The following RAD51B variants were observed in gnomAD, a reference collection of about 807,000 sequenced individuals.
RAD51B encodes the protein RAD51 paralog B, also known as DNA repair protein RAD51 homolog 2.
RAD51B carries 38 observed loss-of-function variants against 42.2 expected under a neutral mutation model. That is an observed-to-expected ratio of 0.90 (90% CI 0.70 to 1.18). The LOEUF is 1.18. RAD51B is among the 50% of genes most tolerant of loss of function. The pLI, the probability that RAD51B is intolerant of heterozygous loss-of-function variation, is 0.00. For missense variants in RAD51B, 373 were observed against 400.7 expected (o/e 0.93, Z 0.59); for synonymous variants, 154 against 145.2 (o/e 1.06, Z -0.43).
intron 10 of RAD51B, among the ~76,000 whole-genome samples, chr14:68,594,178 C>A (rs1047760669): frequency 1.3e-5 from 2 of 150,400 alleles, no homozygotes; most frequent in African/African-American, 4.9e-5. Context: ...TTTTCATATG[C>A]ATTTGAGACC....
Position 68,428,748 on chromosome 14 carries a change from TA to T in RAD51B, c.957+17222del, listed in dbSNP as rs2084921437. 1.4e-4 allele frequency among the ~76,000 whole-genome samples: 9 copies of T among 62,528 alleles called. No homozygotes were observed. In the South Asian group the frequency reaches 4.3e-3, roughly 30 times the overall value. The allele number at this position is 62,528 out of a possible 152,430, so 41.0% of individuals were successfully genotyped here. The stretch of plus-strand genomic sequence containing the variant: ...ATATATATATATATATATATATATA[TA>T]TATATATATATATATAATTATTATA... On this transcript the variant is annotated intron_variant, in intron 9 of 10. Transcript: ENST00000471583.
chr14:68,188,872 A>C (rs1215913346), intron 7 of RAD51B, among the ~76,000 whole-genome samples: 1 of 152,048 alleles, frequency 6.6e-6, no homozygotes, highest in African/African-American at 2.4e-5. Context: ...GCTGTTCCTC[A>C]TCCTTGTGTT....
chr14:68,511,616 C>A (rs1385489034), intron 10 of RAD51B, among the ~76,000 whole-genome samples: 2 of 152,326 alleles, frequency 1.3e-5, no homozygotes, highest in East Asian at 3.9e-4. Context: ...CAAGGCCAGA[C>A]CAGCAGACCT....
At chr14:68,041,436 T>C (rs1375395944) in intron 7 of RAD51B, among the ~76,000 whole-genome samples, 2 of 152,238 alleles carry the variant, frequency 1.3e-5, no homozygotes, top group African/African-American at 4.8e-5. Context: ...ATATTGATGC[T>C]AAGGTAGAAG....
intron 7 of RAD51B, among the ~76,000 whole-genome samples, chr14:68,268,397 C>T (rs1317537487): frequency 6.6e-6 from 1 of 152,220 alleles, no homozygotes; most frequent in Admixed American, 6.5e-5. Context: ...ATCTTCCCCA[C>T]AGGGAAGTGA....
rs889473656 is a variant in RAD51B at position 68,293,352 on chromosome 14, G to A, written c.853+1372G>A. ...TTGTTAGCTTGAAATCAGCCATGGT[G>A]AAAGTATTTATACCATGGAAATCAG... On this transcript the variant is annotated intron_variant, in intron 8 of 10. Transcript: ENST00000471583. Among the ~76,000 whole-genome samples, 9 of 152,156 alleles carry A rather than the reference G, an allele frequency of 5.9e-5. No homozygotes were observed. The East Asian group carries it at 1.5e-3, about 26-fold the overall frequency.
chr14:68,563,611 T>C (rs1330563285), intron 10 of RAD51B: 5 of 985,340 alleles, frequency 5.1e-6, no homozygotes, highest in Non-Finnish European at 6.0e-6. Context: ...GACAGCTGCC[T>C]GCAAGGGGTG....
At chr14:67,925,766 A>G (rs1014470110) in intron 7 of RAD51B, among the ~76,000 whole-genome samples, 1 of 152,182 alleles carries the variant, frequency 6.6e-6, no homozygotes, top group African/African-American at 2.4e-5. Context: ...ATCTTCTGAA[A>G]TCTAGGCGGA....
intron 4 of RAD51B, among the ~76,000 whole-genome samples, chr14:67,838,489 C>G (rs1208829446): frequency 6.6e-6 from 1 of 152,028 alleles, no homozygotes; most frequent in Admixed American, 6.5e-5. Context: ...GTCACCTAGG[C>G]TGGAGTGCAG....
At chr14:68,496,112 C>T (rs557024605) in intron 10 of RAD51B, among the ~76,000 whole-genome samples, 3 of 152,318 alleles carry the variant, frequency 2.0e-5, no homozygotes, top group South Asian at 2.1e-4. Context: ...CATGCACAAA[C>T]GGTGATGTGT....
At chr14:67,901,027 C>T (rs111755070) in intron 7 of RAD51B, among the ~76,000 whole-genome samples, 37 of 152,146 alleles carry the variant, frequency 2.4e-4, no homozygotes, top group African/African-American at 8.2e-4. Context: ...ATTTATTAAG[C>T]GAAAGGAAAG....
At chr14:67,951,797 A>T (rs1485333397) in intron 7 of RAD51B, among the ~76,000 whole-genome samples, 3 of 152,172 alleles carry the variant, frequency 2.0e-5, no homozygotes, top group African/African-American at 7.2e-5. Context: ...ACCTTGAAGA[A>T]ACCTCCTATG....
At chr14:67,895,818 C>T (rs1258110349) in intron 7 of RAD51B, among the ~76,000 whole-genome samples, 1 of 152,068 alleles carries the variant, frequency 6.6e-6, no homozygotes, top group Non-Finnish European at 1.5e-5. Context: ...ACCCCGAGAC[C>T]TCTCTATGGC....
At chr14:68,325,116 A>G (rs528994461) in intron 8 of RAD51B, among the ~76,000 whole-genome samples, 2 of 152,286 alleles carry the variant, frequency 1.3e-5, no homozygotes, top group East Asian at 3.9e-4. Flanking sequence ...TCCTTCACTA[A>G]CTACTTTTAT....
At chr14:68,542,825 G>A (rs1384098334) in intron 10 of RAD51B, among the ~76,000 whole-genome samples, 1 of 152,116 alleles carries the variant, frequency 6.6e-6, no homozygotes, top group Non-Finnish European at 1.5e-5. Context: ...CATTAGCCTT[G>A]ACTTACAGGG....
chr14:68,630,068 C>T (rs1450193785), intron 10 of RAD51B, among the ~76,000 whole-genome samples: 3 of 152,238 alleles, frequency 2.0e-5, no homozygotes, highest in African/African-American at 7.2e-5. Context: ...AGGATTCTGA[C>T]TCCACAGTAA....
intron 10 of RAD51B, chr14:68,540,166 C>CTGTT: frequency 1.7e-6 from 1 of 586,422 alleles, no homozygotes; most frequent in Non-Finnish European, 2.0e-6. Flanking sequence ...TACCCTGCTC[C>CTGTT]TTTTTTTTTT....
chr14:68,230,238 T>A (rs1187384300), intron 7 of RAD51B, among the ~76,000 whole-genome samples: 1 of 152,088 alleles, frequency 6.6e-6, no homozygotes. Flanking sequence ...TTTGGCTAAC[T>A]GAAAGGAAAA....
chr14:68,213,153 A>G (rs2079746465), intron 7 of RAD51B, among the ~76,000 whole-genome samples: 1 of 152,218 alleles, frequency 6.6e-6, no homozygotes, highest in Non-Finnish European at 1.5e-5. Context: ...GGATTTTTTA[A>G]AGATCTGTGT....
Sources: gnomAD v4.1 joint callset for allele counts (sites outside exome capture counted in the v4.1 genomes callset) on GRCh38, gnomAD v4.1.1 for gene constraint, MANE v1.5 for transcripts, NCBI Gene and HGNC (gene_info 2026-07-23, HGNC 2026-07-21) for gene names.